The following RBM33 variants were observed in gnomAD, a reference collection of about 807,000 sequenced individuals.
RBM33 encodes RNA binding motif protein 33, also known as RNA-binding protein 33.
A neutral mutation model predicts 132.6 loss-of-function variants in RBM33; 28 were observed. The ratio of observed to expected loss-of-function variants is 0.21; its 90% CI spans 0.16 to 0.29. The LOEUF is 0.29. Ranked by LOEUF, RBM33 falls within the 10% of genes least tolerant of loss-of-function variation. The pLI, the probability that RBM33 is intolerant of heterozygous loss-of-function variation, is 1.00. For missense variants in RBM33, 1,291 were observed against 1,518.5 expected (o/e 0.85, Z 2.49); for synonymous variants, 634 against 593.0 (o/e 1.07, Z -1.01).
chr7:155,761,674 C>T (rs1420652031), intron 14 of RBM33, among the ~76,000 whole-genome samples: 2 of 151,942 alleles, frequency 1.3e-5, no homozygotes, highest in Non-Finnish European at 2.9e-5. Flanking sequence ...TTCCTTTTTT[C>T]TTGGTCAGTA....
At chr7:155,771,785 G>A (rs1346069130) in intron 16 of RBM33, among the ~76,000 whole-genome samples, 1 of 152,064 alleles carries the variant, frequency 6.6e-6, no homozygotes, top group Non-Finnish European at 1.5e-5. Flanking sequence ...AGGCTGGAGT[G>A]CAGTGGTATG....
At chr7:155,673,579 CGT>C (rs1355345303) in intron 3 of RBM33, among the ~76,000 whole-genome samples, 1 of 83,184 alleles carries the variant, frequency 1.2e-5, no homozygotes, top group Non-Finnish European at 2.3e-5. Flanking sequence ...TACATACACA[CGT>C]GTATATATAT....
At chr7:155,680,497 G>T in intron 4 of RBM33, 93 bp from the exon 5 acceptor site, 2 of 920,090 alleles carry the variant, frequency 2.2e-6, no homozygotes, top group Non-Finnish European at 3.2e-6. Context: ...ATCAGTCATG[G>T]TTTAAATCTT....
In RBM33 at chr7:155,741,981, G is replaced by A. The variant is rs372965568; in HGVS notation, c.2212G>A (p.Val738Ile). ...GCCCTCAGCACAAGTGAAACCTATC[G>A]TCAGCGCGTCACCACCCTCGCGGGC... ...ATPSAQVKPI[V>I]SASPPSRAVA... The change falls in exon 13 of 18, where the codon GTC becomes ATC. Residue 738 changes from valine (V) to isoleucine (I), a missense_variant. This residue lies in a region of RBM33 where 841 missense variants were observed against 912.0 expected (regional missense o/e 0.92). Transcript: ENST00000401878. The A allele has an allele frequency of 8.1e-6, 13 of 1,613,834 alleles. No individual in the cohort carries two copies. The highest frequency in any genetic ancestry group is 5.3e-5 in the African/African-American group (4 of 74,896).
intron 9 of RBM33, among the ~76,000 whole-genome samples, chr7:155,720,953 TG>T (rs1326326001): frequency 6.6e-6 from 1 of 152,238 alleles, no homozygotes; most frequent in East Asian, 1.9e-4. Flanking sequence ...GTGGTCTGTT[TG>T]AGTCAGTGTG....
chr7:155,747,349 G>A (rs1801550273), intron 14 of RBM33, among the ~76,000 whole-genome samples: 1 of 152,118 alleles, frequency 6.6e-6, no homozygotes, highest in South Asian at 2.1e-4. Context: ...TTGTGTTACA[G>A]ACTTTTTTTA....
chr7:155,679,819 A>G (rs555313782), intron 4 of RBM33, among the ~76,000 whole-genome samples: 5 of 152,298 alleles, frequency 3.3e-5, no homozygotes, highest in African/African-American at 1.2e-4. Context: ...AGGTGTATTA[A>G]TTTTTTGTTA....
At chr7:155,645,359 A>G (rs1161632629) in intron 1 of RBM33, among the ~76,000 whole-genome samples, 1 of 152,206 alleles carries the variant, frequency 6.6e-6, no homozygotes, top group African/African-American at 2.4e-5. Flanking sequence ...TTTGAAGCCC[A>G]TTACAAAAAC....
At chr7:155,760,769 G>A (rs1219258657) in intron 14 of RBM33, among the ~76,000 whole-genome samples, 2 of 152,204 alleles carry the variant, frequency 1.3e-5, no homozygotes, top group Admixed American at 1.3e-4. Context: ...CTGAAAAATT[G>A]TGTACTCAGT....
rs1182078249 is a variant in RBM33, at chr7:155,738,172, T to A, written c.1506T>A (p.Ser502Arg). Residue 502 changes from serine (S) to arginine (R), a missense_variant, in exon 11 of 18, where the codon AGT becomes AGA. Physicochemically the swap from Ser to Arg is moderately radical, Grantham distance 110 (BLOSUM62 -1). Coordinates refer to ENST00000401878, the MANE Select transcript of RBM33 (RefSeq NM_053043.3). ...LNSSHPVPTQSPLPFTQPGPA... is the reference protein window; with the variant it reads ...LNSSHPVPTQRPLPFTQPGPA... ...GTAGCCATCCTGTTCCTACTCAGAG[T>A]CCTCTACCATTCACTCAGCCAGGAC... 1.9e-6 allele frequency: 3 copies of A among 1,613,796 alleles called. No homozygotes were observed. In the South Asian group the frequency reaches 3.3e-5, roughly 18 times the overall value.
rs760782293 is a variant in RBM33 at position 155,745,488 on chromosome 7, G to A, written c.2865G>A (p.Arg955=). 5 of 1,613,494 alleles carry A rather than the reference G, an allele frequency of 3.1e-6. No individual in the cohort carries two copies. In the African/African-American group the frequency reaches 6.7e-5, roughly 22 times the overall value. ...QTPRVASIQG[R]PQDTKPGVKR... ...CTCGAGTGGCGTCCATCCAGGGCCG[G>A]CCCCAGGACACAAAGCCTGGCGTGA... is the stretch of plus-strand genomic sequence containing the variant. The change falls in exon 14 of 18, where the codon CGG becomes CGA. Residue 955 remains arginine, a synonymous_variant. Coordinates refer to ENST00000401878, the MANE Select transcript of RBM33 (RefSeq NM_053043.3). The surrounding 1 kb of genome is among the most constrained non-coding windows in gnomAD (Gnocchi z 4.1).
At chr7:155,700,372 A>G (rs1322257843) in intron 5 of RBM33, among the ~76,000 whole-genome samples, 2 of 152,194 alleles carry the variant, frequency 1.3e-5, no homozygotes, top group African/African-American at 4.8e-5. Context: ...TTAAGTTACA[A>G]TAAACTCATA....
chr7:155,732,757 T>C (rs1408274758), intron 9 of RBM33, among the ~76,000 whole-genome samples: 1 of 152,182 alleles, frequency 6.6e-6, no homozygotes, highest in South Asian at 2.1e-4. Flanking sequence ...CCGAGGGCCT[T>C]GCAGGCAGAG....
chr7:155,714,160 G>A (rs2058954295), intron 8 of RBM33, among the ~76,000 whole-genome samples: 1 of 152,192 alleles, frequency 6.6e-6, no homozygotes, highest in African/African-American at 2.4e-5. Context: ...ATGGTTGTGT[G>A]TCTCTGTCCA....
intron 5 of RBM33, among the ~76,000 whole-genome samples, chr7:155,694,598 C>G (rs1799740688): frequency 6.6e-6 from 1 of 152,168 alleles, no homozygotes; most frequent in Admixed American, 6.5e-5. Context: ...TCAGTCCTGA[C>G]TCCTCAGAGT....
chr7:155,725,430 G>A (rs1332050009), intron 9 of RBM33, among the ~76,000 whole-genome samples: 1 of 152,012 alleles, frequency 6.6e-6, no homozygotes, highest in Non-Finnish European at 1.5e-5. Flanking sequence ...CAGGAGGGAG[G>A]ACTGGAGGCC....
chr7:155,766,950 A>G (rs925538359), intron 16 of RBM33: 16 of 357,108 alleles, frequency 4.5e-5, no homozygotes, highest in Admixed American at 2.5e-4. Flanking sequence ...GCACACATAC[A>G]TACAAAATTT....
intron 12 of RBM33, 147 bp downstream of exon 12, chr7:155,740,173 A>G (rs1801284127): frequency 9.0e-7 from 1 of 1,108,308 alleles, no homozygotes; most frequent in Non-Finnish European, 1.2e-6. Flanking sequence ...AAGTGAATCC[A>G]TGTTTTAAAA....
At chr7:155,656,851 C>G (rs1270066963) in intron 1 of RBM33, among the ~76,000 whole-genome samples, 1 of 152,128 alleles carries the variant, frequency 6.6e-6, no homozygotes, top group Non-Finnish European at 1.5e-5. Context: ...GTCTTCTTTA[C>G]CCTCCTGCTC....
Sources: allele counts gnomAD v4.1 joint callset (sites outside exome capture counted in the v4.1 genomes callset), GRCh38; gene constraint gnomAD v4.1.1; regional missense constraint gnomAD v4.1.1; non-coding constraint Gnocchi (gnomAD v3.1); transcripts MANE v1.5; gene names NCBI Gene and HGNC (gene_info 2026-07-23, HGNC 2026-07-21).